Variants in RGS7 observed in about 807,000 individuals in gnomAD.
The protein encoded by RGS7 is regulator of G-protein signaling 7.
A neutral mutation model predicts 81.1 loss-of-function variants in RGS7; 27 were observed. The observed-to-expected ratio is 0.33, with a 90% CI of 0.25 to 0.46. The LOEUF is 0.46. RGS7 is among the 20% of genes least tolerant of loss of function. The probability of loss-of-function intolerance (pLI) is 1.00; values close to 1 mark genes in which losing one functional copy is unlikely to be tolerated. For missense variants in RGS7, 396 were observed against 607.4 expected (o/e 0.65, Z 3.66); for synonymous variants, 208 against 207.7 (o/e 1.00, Z -0.01).
In RGS7 at chr1:241,288,635, T is replaced by C. The variant is rs2078942072; in HGVS notation, c.78+67064A>G. ...TTGCTGCAGAGCCCACGGTTATCTG[T>C]CTGGAAGCAAAAGTAAGGGAGGCCA... On this transcript the variant is annotated intron_variant, in intron 2 of 18. Coordinates refer to ENST00000440928, the MANE Select transcript of RGS7 (RefSeq NM_001364886.1). Among the ~76,000 whole-genome samples, 7 of 152,266 alleles carry C rather than the reference T, an allele frequency of 4.6e-5. No individual in the cohort carries two copies. In the South Asian group the frequency reaches 1.5e-3, roughly 32 times the overall value.
intron 2 of RGS7, among the ~76,000 whole-genome samples, chr1:241,320,567 C>T (rs551280125): frequency 2.6e-5 from 4 of 152,258 alleles, no homozygotes; most frequent in Admixed American, 2.6e-4. Context: ...TGTCTTGACA[C>T]CCTAAAAAGG....
At chr1:240,860,960 G>T (rs1662094105) in intron 9 of RGS7, among the ~76,000 whole-genome samples, 1 of 152,090 alleles carries the variant, frequency 6.6e-6, no homozygotes, top group Non-Finnish European at 1.5e-5. Context: ...AAAATCCTTT[G>T]TAAATTTCAT....
At chr1:240,913,788 G>GTT (rs540180563) in intron 6 of RGS7, among the ~76,000 whole-genome samples, 1 of 144,888 alleles carries the variant, frequency 6.9e-6, no homozygotes, top group Admixed American at 6.9e-5. Context: ...CTGTAATTTT[G>GTT]TTTTTTTTTT....
intron 3 of RGS7, chr1:240,998,660 G>A: frequency 8.7e-7 from 1 of 1,147,848 alleles, no homozygotes; most frequent in Non-Finnish European, 1.3e-6. Context: ...TTGCAAACAA[G>A]CCAGGCCAAA....
At chr1:241,246,866 T>C (rs1326600041) in intron 2 of RGS7, among the ~76,000 whole-genome samples, 4 of 151,720 alleles carry the variant, frequency 2.6e-5, no homozygotes, top group Non-Finnish European at 5.9e-5. Context: ...TTTCAGGAAG[T>C]AGGGGATACA....
At chr1:241,217,404 T>C (rs1168321447) in intron 2 of RGS7, among the ~76,000 whole-genome samples, 1 of 152,148 alleles carries the variant, frequency 6.6e-6, no homozygotes, top group Non-Finnish European at 1.5e-5. Context: ...ACTAATTCAG[T>C]TGGGGTCACT....
At chr1:240,917,671 A>T (rs2148284558) in intron 6 of RGS7, among the ~76,000 whole-genome samples, 1 of 152,304 alleles carries the variant, frequency 6.6e-6, no homozygotes, top group African/African-American at 2.4e-5. Context: ...TTCATTTAAA[A>T]TCAGAGAAGG....
chr1:240,862,746 G>A (rs1008433165), intron 9 of RGS7, among the ~76,000 whole-genome samples: 4 of 152,064 alleles, frequency 2.6e-5, no homozygotes, highest in South Asian at 2.1e-4. Context: ...CAGTTAGATC[G>A]TGTCACAGAT....
intron 16 of RGS7, among the ~76,000 whole-genome samples, chr1:240,802,651 T>C (rs890316567): frequency 6.6e-6 from 1 of 152,088 alleles, no homozygotes; most frequent in Non-Finnish European, 1.5e-5. Context: ...ACATGAAACA[T>C]GAAAACAGCT....
intron 6 of RGS7, among the ~76,000 whole-genome samples, chr1:240,929,546 A>T (rs929638938): frequency 6.6e-6 from 1 of 152,080 alleles, no homozygotes; most frequent in Non-Finnish European, 1.5e-5. Flanking sequence ...TGGATGATCG[A>T]CTAAATTCAA....
intron 14 of RGS7, among the ~76,000 whole-genome samples, chr1:240,807,355 C>T (rs1216901647): frequency 1.3e-5 from 2 of 152,186 alleles, no homozygotes; most frequent in African/African-American, 4.8e-5. Context: ...CCTCCATAAA[C>T]ACTCTTACTG....
chr1:241,113,252 A>T (rs1250659021), intron 2 of RGS7, among the ~76,000 whole-genome samples: 2 of 152,222 alleles, frequency 1.3e-5, no homozygotes, highest in Non-Finnish European at 2.9e-5. Flanking sequence ...AATAAAAAAT[A>T]AAAAGGTACC....
At chr1:240,787,020 G>A (rs1009696045) in intron 18 of RGS7, among the ~76,000 whole-genome samples, 7 of 151,846 alleles carry the variant, frequency 4.6e-5, no homozygotes, top group South Asian at 2.1e-4. Context: ...AATTCTATTC[G>A]ACAAAAGTGA....
At chr1:241,244,128 G>T (rs1377890537) in intron 2 of RGS7, among the ~76,000 whole-genome samples, 7 of 152,060 alleles carry the variant, frequency 4.6e-5, no homozygotes, top group Admixed American at 3.3e-4. Flanking sequence ...ATGTGTGTGT[G>T]TGTGTACACA....
At chr1:241,092,704 G>C (rs539467004) in intron 3 of RGS7, among the ~76,000 whole-genome samples, 16 of 152,232 alleles carry the variant, frequency 1.1e-4, no homozygotes, top group Middle Eastern at 3.4e-3. Flanking sequence ...ATCCCCACTT[G>C]TATGGGGCAG....
intron 4 of RGS7, among the ~76,000 whole-genome samples, chr1:240,982,422 CAAAAAAAAAAAA>C (rs10567618): frequency 2.0e-4 from 13 of 66,234 alleles, no homozygotes; most frequent in East Asian, 9.3e-4. Flanking sequence ...AACTCTGCCT[CAAAAAAAAAAAA>C]AAAAAAAAAA....
intron 2 of RGS7, among the ~76,000 whole-genome samples, chr1:241,284,384 G>A (rs559276198): frequency 6.6e-6 from 1 of 152,034 alleles, no homozygotes; most frequent in South Asian, 2.1e-4. Flanking sequence ...ACCTAGGGGT[G>A]GGGGGAGTGT....
intron 2 of RGS7, among the ~76,000 whole-genome samples, chr1:241,191,080 T>C (rs1056422857): frequency 3.9e-5 from 6 of 151,908 alleles, no homozygotes; most frequent in African/African-American, 1.5e-4. Context: ...CTCCTGGGTT[T>C]ATGCCATTCT....
At chr1:240,869,625 C>T (rs1444927406) in intron 7 of RGS7, among the ~76,000 whole-genome samples, 1 of 152,160 alleles carries the variant, frequency 6.6e-6, no homozygotes, top group African/African-American at 2.4e-5. Flanking sequence ...ATGCCAGATC[C>T]CTAGAAATCT....
Sources: allele counts gnomAD v4.1 joint callset (sites outside exome capture counted in the v4.1 genomes callset), GRCh38; gene constraint gnomAD v4.1.1; transcripts MANE v1.5; gene names NCBI Gene and HGNC (gene_info 2026-07-23, HGNC 2026-07-21).